WDR25: variants seen among roughly 807,000 people sequenced by gnomAD.
WDR25 encodes WD repeat-containing protein 25.
Under a neutral mutation model 47.7 loss-of-function variants are expected in WDR25, and 35 were observed. The observed-to-expected ratio is 0.73, with a 90% CI of 0.56 to 0.97. WDR25 has a LOEUF of 0.97. Ranked by LOEUF, WDR25 falls within the 50% of genes least tolerant of loss-of-function variation. WDR25 has a pLI of 0.00. For missense variants in WDR25, 634 were observed against 704.7 expected (o/e 0.90, Z 1.14); for synonymous variants, 248 against 278.9 (o/e 0.89, Z 1.10).
chr14:100,481,128 A>AGGG (rs1900186264), intron 3 of WDR25: 1 of 394,552 alleles, frequency 2.5e-6, no homozygotes, highest in Non-Finnish European at 4.9e-6. Context: ...AAAAAAAAAA[A>AGGG]AAAAGGGAAA....
Position 100,529,744 on chromosome 14 carries a change from G to C in WDR25, c.1414-76G>C. On this transcript the variant is annotated intron_variant, in intron 6 of 6. Transcript: ENST00000402312. This position sits in a 1 kb window ranked among gnomAD's most constrained non-coding sequence, Gnocchi z 5.1. ...CTCCGTCAGCTCGGGGCTTCAGCCTGCTCCTCTGTAGAATGGGCATACTCA... is the reference window on the plus strand; with the variant it reads ...CTCCGTCAGCTCGGGGCTTCAGCCTCCTCCTCTGTAGAATGGGCATACTCA... 6.7e-7 allele frequency: 1 copy of C among 1,491,514 alleles called. No individual in the cohort carries two copies. Among genetic ancestry groups the C allele is most frequent in the Non-Finnish European group, 9.1e-7 (1 of 1,100,710 alleles). 92.4% of individuals were successfully genotyped at this position (1,491,514 alleles called of 1,614,324 possible). A position where few individuals can be genotyped will look rare whatever the true frequency, so the allele number is the denominator to read the frequency against.
intron 4 of WDR25, among the ~76,000 whole-genome samples, chr14:100,497,430 C>A (rs889146148): frequency 6.6e-6 from 1 of 152,044 alleles, no homozygotes; most frequent in Non-Finnish European, 1.5e-5. Flanking sequence ...CTACTACAGT[C>A]CTCCTCTCAG....
At chr14:100,465,550 T>C (rs1223973009) in intron 2 of WDR25, among the ~76,000 whole-genome samples, 1 of 152,264 alleles carries the variant, frequency 6.6e-6, no homozygotes, top group East Asian at 1.9e-4. Context: ...CTTTCCATTC[T>C]AAGGCTGAAT....
At chr14:100,442,779 C>A (rs1257604082) in intron 2 of WDR25, among the ~76,000 whole-genome samples, 1 of 152,160 alleles carries the variant, frequency 6.6e-6, no homozygotes, top group Non-Finnish European at 1.5e-5. Flanking sequence ...GGAAAAAAAA[C>A]ATTCTATTTA....
intron 2 of WDR25, among the ~76,000 whole-genome samples, chr14:100,389,738 G>A (rs1048681562): frequency 1.3e-5 from 2 of 152,232 alleles, no homozygotes; most frequent in Non-Finnish European, 2.9e-5. Flanking sequence ...AGGACCAGAA[G>A]GGCTTTAGAA....
chr14:100,520,348 AT>A (rs1473859126), intron 4 of WDR25, among the ~76,000 whole-genome samples: 4 of 152,118 alleles, frequency 2.6e-5, no homozygotes, highest in Non-Finnish European at 5.9e-5. Flanking sequence ...TTATGCTAAC[AT>A]TTTTAAACTT....
intron 4 of WDR25, among the ~76,000 whole-genome samples, chr14:100,510,310 T>A (rs551458054): frequency 6.6e-6 from 1 of 151,774 alleles, no homozygotes; most frequent in South Asian, 2.1e-4. Flanking sequence ...AGGGTTTCAC[T>A]GTGTCATCCA....
chr14:100,426,436 T>C (rs956523571), intron 2 of WDR25, among the ~76,000 whole-genome samples: 6 of 152,260 alleles, frequency 3.9e-5, no homozygotes, highest in African/African-American at 1.4e-4. Context: ...GAAGAAAGCA[T>C]GAATCTTCGA....
At chr14:100,478,451 G>T (rs1242995235) in intron 3 of WDR25, among the ~76,000 whole-genome samples, 2 of 152,188 alleles carry the variant, frequency 1.3e-5, no homozygotes, top group African/African-American at 4.8e-5. Flanking sequence ...TGATGGCTAT[G>T]GCCCTAATTT....
At chr14:100,445,524 AGCTGCATAGGCT>A (rs1362782281) in intron 2 of WDR25, among the ~76,000 whole-genome samples, 10 of 152,216 alleles carry the variant, frequency 6.6e-5, no homozygotes, top group Non-Finnish European at 4.4e-5. Flanking sequence ...AAGACTGAGA[AGCTGCATAGGCT>A]GCAGGCTGGG....
At chr14:100,427,542 C>T (rs761031327) in intron 2 of WDR25, among the ~76,000 whole-genome samples, 31 of 152,102 alleles carry the variant, frequency 2.0e-4, no homozygotes, top group Non-Finnish European at 1.6e-4. Context: ...CGAGTAGGTG[C>T]GGGCCTTGGA....
intron 2 of WDR25, among the ~76,000 whole-genome samples, chr14:100,452,087 T>TCATC (rs1239817062): frequency 3.3e-5 from 5 of 152,182 alleles, no homozygotes; most frequent in Non-Finnish European, 7.4e-5. Flanking sequence ...TTCCATTCAT[T>TCATC]CATCCATCCA....
intron 5 of WDR25, among the ~76,000 whole-genome samples, chr14:100,528,439 T>C (rs112295969): frequency 7.6e-5 from 11 of 143,944 alleles, no homozygotes; most frequent in South Asian, 2.1e-4. Flanking sequence ...TTCTTTCTTT[T>C]TTTTTTTTTT....
chr14:100,423,508 G>A (rs1171114235), intron 2 of WDR25, among the ~76,000 whole-genome samples: 1 of 152,162 alleles, frequency 6.6e-6, no homozygotes, highest in Admixed American at 6.5e-5. Context: ...GGAGTGTTTA[G>A]GAAACGTGTT....
At position 100,523,213 on chromosome 14, in the gene WDR25, T is replaced by A. The variant is rs938138277; in HGVS notation, c.1102-2657T>A. On this transcript the variant is annotated intron_variant, in intron 4 of 6. Transcript: ENST00000402312. This position sits in a 1 kb window ranked among gnomAD's most constrained non-coding sequence, Gnocchi z 4.7. Reference sequence around the variant, plus strand: ...GCATCAATTTGACACACCTTACTGATGCCTGCAGGGGCAGACCCAGTGCTA... The same window carrying A: ...GCATCAATTTGACACACCTTACTGAAGCCTGCAGGGGCAGACCCAGTGCTA... 6.6e-6 allele frequency among the ~76,000 whole-genome samples: 1 copy of A among 152,216 alleles called. No individual in the cohort carries two copies. The highest frequency in any genetic ancestry group is 1.5e-5 in the Non-Finnish European group (1 of 68,034).
intron 2 of WDR25, among the ~76,000 whole-genome samples, chr14:100,441,258 T>TTGGGCGCTGTCTCCTTGAAGGG (rs1898659792): frequency 6.6e-6 from 1 of 152,134 alleles, no homozygotes; most frequent in African/African-American, 2.4e-5. Flanking sequence ...GTGTGTGATA[T>TTGGGCGCTGTCTCCTTGAAGGG]TGGGCGCTGT....
At chr14:100,385,441 A>G (rs1896997480) in intron 2 of WDR25, among the ~76,000 whole-genome samples, 2 of 152,200 alleles carry the variant, frequency 1.3e-5, no homozygotes, top group South Asian at 4.1e-4. Flanking sequence ...GGAGAAAAAC[A>G]ACACAGTCCA....
chr14:100,435,764 A>G (rs1456878269), intron 2 of WDR25, among the ~76,000 whole-genome samples: 4 of 152,246 alleles, frequency 2.6e-5, no homozygotes, highest in Non-Finnish European at 1.5e-5. Context: ...CTGCAAGTCC[A>G]GATGGGGATC....
intron 3 of WDR25, among the ~76,000 whole-genome samples, chr14:100,483,052 G>A (rs143298637): frequency 6.6e-6 from 1 of 152,290 alleles, no homozygotes; most frequent in Non-Finnish European, 1.5e-5. Context: ...GACTCCCACA[G>A]TGAGAACACC....
Sources: gnomAD v4.1 joint callset for allele counts (sites outside exome capture counted in the v4.1 genomes callset) on GRCh38, gnomAD v4.1.1 for gene constraint, Gnocchi (gnomAD v3.1) non-coding constraint, MANE v1.5 for transcripts, NCBI Gene and HGNC (gene_info 2026-07-23, HGNC 2026-07-21) for gene names.